NDST4: variants seen among roughly 807,000 people sequenced by gnomAD.
The protein encoded by NDST4 is N-deacetylase and N-sulfotransferase 4.
Under a neutral mutation model 100.8 loss-of-function variants are expected in NDST4, and 63 were observed. The ratio of observed to expected loss-of-function variants is 0.62; its 90% CI spans 0.51 to 0.77. The LOEUF (loss-of-function observed/expected upper bound fraction) is 0.77, where lower values mean the gene tolerates loss of function less well. Among genes scored for constraint, NDST4 ranks in the 30% least tolerant of loss-of-function variants. The pLI, the probability that NDST4 is intolerant of heterozygous loss-of-function variation, is 0.00. For missense variants in NDST4, 943 were observed against 1,018.4 expected, an observed-to-expected ratio of 0.93 and a Z score of 1.01; for synonymous variants, 377 against 361.8, an observed-to-expected ratio of 1.04 and a Z score of -0.48.
chr4:114,829,789 C>A lies in NDST4; in HGVS notation c.2499+1G>T, dbSNP rs1231967569. The A allele has an allele frequency of 1.2e-6, 2 of 1,602,580 alleles. No individual in the cohort carries two copies. The highest frequency in any genetic ancestry group is 2.2e-5 in the East Asian group (1 of 44,536). On this transcript the variant is annotated splice_donor_variant, in intron 13 of 13. Transcript: ENST00000264363. LOFTEE classifies it high-confidence loss of function. The stretch of plus-strand genomic sequence containing the variant: ...TAATTCAAAGATTAAAAAATTATTA[C>A]CTCTGGATCCATAGGTGGATATTTT...
chr4:114,881,167 A>T (rs1241987366), intron 6 of NDST4, among the ~76,000 whole-genome samples: 2 of 152,050 alleles, frequency 1.3e-5, no homozygotes, highest in Non-Finnish European at 2.9e-5. Flanking sequence ...AAATTCTTAG[A>T]TCCTGAGTGT....
At chr4:114,836,312 G>A (rs1013311885) in intron 11 of NDST4, among the ~76,000 whole-genome samples, 8 of 152,132 alleles carry the variant, frequency 5.3e-5, no homozygotes, top group African/African-American at 1.9e-4. Context: ...GCCTGGTGGT[G>A]ACAAAATCCC....
chr4:114,844,651 C>T (rs1723504826), intron 10 of NDST4, among the ~76,000 whole-genome samples: 1 of 151,962 alleles, frequency 6.6e-6, no homozygotes, highest in African/African-American at 2.4e-5. Flanking sequence ...TTACATATCA[C>T]TATGATTATT....
intron 1 of NDST4, among the ~76,000 whole-genome samples, chr4:115,092,991 T>C (rs1315998865): frequency 6.6e-6 from 1 of 152,148 alleles, no homozygotes; most frequent in Admixed American, 6.6e-5. Context: ...ATGAAAAAGA[T>C]ATGCAGAAAT....
chr4:114,943,322 A>C (rs1404226258), intron 4 of NDST4, among the ~76,000 whole-genome samples: 2 of 151,850 alleles, frequency 1.3e-5, no homozygotes, highest in Non-Finnish European at 2.9e-5. Flanking sequence ...TTACCATCAG[A>C]ATGTTATTTT....
At chr4:115,089,812 T>C (rs907355628) in intron 1 of NDST4, among the ~76,000 whole-genome samples, 1 of 151,832 alleles carries the variant, frequency 6.6e-6, no homozygotes, top group Non-Finnish European at 1.5e-5. Flanking sequence ...GTTTTGAAAA[T>C]TGGAAAACCA....
Position 115,053,801 on chromosome 4 carries a change from C to T in NDST4, c.978+22258G>A, listed in dbSNP as rs1327506669. Among the ~76,000 whole-genome samples, 6 of 152,224 alleles carry T rather than the reference C, an allele frequency of 3.9e-5. No homozygotes were observed. The East Asian group carries it at 1.2e-3, about 29-fold the overall frequency. On this transcript the variant is annotated intron_variant, in intron 2 of 13. Transcript: ENST00000264363. ...AAAAATGTCTCTGAACTTCTGACCT[C>T]CTTGATCAACATTCTACTGGTTCTC...
At chr4:114,956,694 T>C (rs1238370621) in intron 4 of NDST4, among the ~76,000 whole-genome samples, 1 of 152,160 alleles carries the variant, frequency 6.6e-6, no homozygotes, top group Non-Finnish European at 1.5e-5. Flanking sequence ...AAAACCACTA[T>C]TGTCCAAGAG....
intron 9 of NDST4, among the ~76,000 whole-genome samples, chr4:114,846,994 A>G (rs1723563443): frequency 6.6e-6 from 1 of 152,154 alleles, no homozygotes; most frequent in South Asian, 2.1e-4. Flanking sequence ...CCAGATGCAG[A>G]GTCGACACAT....
intron 6 of NDST4, among the ~76,000 whole-genome samples, chr4:114,877,557 A>G (rs1304609652): frequency 6.6e-6 from 1 of 152,232 alleles, no homozygotes; most frequent in African/African-American, 2.4e-5. Flanking sequence ...AATGTGTTCT[A>G]TAAATAAAAA....
intron 2 of NDST4, among the ~76,000 whole-genome samples, chr4:115,027,864 A>T (rs1578466391): frequency 6.6e-6 from 1 of 151,686 alleles, no homozygotes; most frequent in Non-Finnish European, 1.5e-5. Flanking sequence ...AACCAGCCTG[A>T]CCAACATGGA....
chr4:114,829,544 T>C (rs1723149874), intron 13 of NDST4, among the ~76,000 whole-genome samples: 1 of 152,200 alleles, frequency 6.6e-6, no homozygotes, highest in African/African-American at 2.4e-5. Flanking sequence ...AGTAAATATT[T>C]ATTTTTGAAT....
intron 8 of NDST4, among the ~76,000 whole-genome samples, chr4:114,848,833 C>T (rs1391688832): frequency 6.6e-6 from 1 of 152,166 alleles, no homozygotes. Context: ...AACACATTTG[C>T]TGCCCTCAAT....
chr4:114,967,036 G>A (rs1280430917), intron 4 of NDST4, among the ~76,000 whole-genome samples: 1 of 152,082 alleles, frequency 6.6e-6, no homozygotes, highest in Admixed American at 6.5e-5. Flanking sequence ...TCCAGTTAGT[G>A]TTTCTGCTAT....
At chr4:115,026,568 A>T (rs986601060) in intron 2 of NDST4, among the ~76,000 whole-genome samples, 1 of 151,934 alleles carries the variant, frequency 6.6e-6, no homozygotes, top group Non-Finnish European at 1.5e-5. Context: ...AATAATATTG[A>T]CTCACCATTT....
chr4:115,008,082 C>T lies in NDST4; in HGVS notation c.979-30808G>A. Among the ~76,000 whole-genome samples the T allele has an allele frequency of 1.5e-5, 2 of 130,314 alleles. 1 individual carries two copies. The allele number at this position is 130,314 out of a possible 152,430, so 85.5% of individuals were successfully genotyped here. On this transcript the variant is annotated intron_variant, in intron 2 of 13. Coordinates refer to ENST00000264363, the MANE Select transcript of NDST4 (RefSeq NM_022569.3). ...TTTCTCTGAGGTTTCTAATCCACAACAGAATTTCTGAGCTGACCACAAGAA... is the reference window on the plus strand; with the variant it reads ...TTTCTCTGAGGTTTCTAATCCACAATAGAATTTCTGAGCTGACCACAAGAA...
intron 7 of NDST4, among the ~76,000 whole-genome samples, chr4:114,868,544 C>T (rs1724081147): frequency 1.3e-5 from 2 of 152,098 alleles, no homozygotes; most frequent in South Asian, 4.2e-4. Flanking sequence ...GTCAAAATCT[C>T]ATGTATCTGA....
At chr4:114,856,703 C>A (rs1380391214) in intron 7 of NDST4, among the ~76,000 whole-genome samples, 1 of 152,228 alleles carries the variant, frequency 6.6e-6, no homozygotes, top group Admixed American at 6.5e-5. Context: ...TCTGCAGAAC[C>A]TAACACTGGC....
intron 10 of NDST4, 56 bp downstream of exon 10, chr4:114,845,767 T>C (rs1329986086): frequency 6.8e-7 from 1 of 1,471,184 alleles, no homozygotes; most frequent in African/African-American, 1.4e-5. Context: ...TATTTTTCAT[T>C]GCCTCCATTT....
Sources: allele counts gnomAD v4.1 joint callset (sites outside exome capture counted in the v4.1 genomes callset), GRCh38; gene constraint gnomAD v4.1.1; transcripts MANE v1.5; gene names NCBI Gene and HGNC (gene_info 2026-07-23, HGNC 2026-07-21).